Variants in SEMA6D observed in about 807,000 individuals in gnomAD.
SEMA6D encodes the protein semaphorin 6D.
Under a neutral mutation model 106.6 loss-of-function variants are expected in SEMA6D, and 35 were observed. The ratio of observed to expected loss-of-function variants is 0.33; its 90% confidence interval spans 0.25 to 0.44. The LOEUF is 0.44. Ranked by LOEUF, SEMA6D falls within the 20% of genes least tolerant of loss-of-function variation. SEMA6D has a pLI of 1.00. For missense variants in SEMA6D, 1,185 were observed against 1,345.9 expected (o/e 0.88, Z 1.87); for synonymous variants, 499 against 487.7 (o/e 1.02, Z -0.31).
In SEMA6D at chr15:47,469,341, CGT is replaced by C. The variant is rs113272376; in HGVS notation, c.-158-1112_-158-1111del. Among the ~76,000 whole-genome samples the C allele has an allele frequency of 7.0e-3, 1,023 of 146,390 alleles. 2 individuals carry two copies. The highest frequency in any genetic ancestry group is 0.014 in the African/African-American group (545 of 40,308). On this transcript the variant is annotated intron_variant, in intron 2 of 19. Coordinates refer to the SEMA6D transcript ENST00000558014. Reference sequence around the variant, plus strand: ...GTGTGTGTGTATGTGCACGCATGTGCGTGTGTGTGTGTGTGTGTGTGTTTAGT... The same window carrying C: ...GTGTGTGTGTATGTGCACGCATGTGCGTGTGTGTGTGTGTGTGTGTTTAGT...
intron 4 of SEMA6D, among the ~76,000 whole-genome samples, chr15:47,610,977 T>G (rs74014029): frequency 0.082 from 12,512 of 152,252 alleles, 755 homozygotes; most frequent in African/African-American, 0.17. Context: ...AGAGCATATG[T>G]CTTTACATGG....
At chr15:47,282,393 C>T (rs1488834213) in intron 1 of SEMA6D, among the ~76,000 whole-genome samples, 3 of 152,152 alleles carry the variant, frequency 2.0e-5, no homozygotes, top group South Asian at 4.1e-4. Flanking sequence ...CAATAGAATA[C>T]TATACAGCAG....
At chr15:47,763,786 T>C in intron 9 of SEMA6D, 64 bp from the exon 10 acceptor site, 1 of 1,388,148 alleles carries the variant, frequency 7.2e-7, no homozygotes, top group East Asian at 2.3e-5. Flanking sequence ...TTAAACAGTA[T>C]CATTTTGTTT....
upstream of SEMA6D, among the ~76,000 whole-genome samples, chr15:47,714,745 T>C (rs1428420258): frequency 6.6e-6 from 1 of 152,234 alleles, no homozygotes; most frequent in Non-Finnish European, 1.5e-5. Flanking sequence ...TGCTGAGTCC[T>C]GGGGACGCAG....
Position 47,535,644 on chromosome 15 carries a change from C to A in SEMA6D, c.-87+65099C>A, listed in dbSNP as rs1016356670. Among the ~76,000 whole-genome samples, 8 of 150,892 alleles carry A rather than the reference C, an allele frequency of 5.3e-5. No homozygotes were observed. The South Asian group carries it at 1.7e-3, about 32-fold the overall frequency. On this transcript the variant is annotated intron_variant, in intron 3 of 19. Transcript: ENST00000558014. Reference sequence around the variant, plus strand: ...GAGGGAGTTAAGACAGATACAAAACCACTATAATACTAGATAGAAAGTGAC... The same window carrying A: ...GAGGGAGTTAAGACAGATACAAAACAACTATAATACTAGATAGAAAGTGAC...
intron 3 of SEMA6D, among the ~76,000 whole-genome samples, chr15:47,534,111 A>T (rs888750882): frequency 6.6e-6 from 1 of 152,136 alleles, no homozygotes; most frequent in African/African-American, 2.4e-5. Context: ...GGAAAGAAGG[A>T]CACTGAGAAT....
At chr15:47,601,847 C>A (rs979303685) in intron 4 of SEMA6D, among the ~76,000 whole-genome samples, 1 of 152,126 alleles carries the variant, frequency 6.6e-6, no homozygotes. Context: ...AAAGTTATCT[C>A]CTGTTACTTA....
chr15:47,705,715 C>A (rs2078900428), intron 4 of SEMA6D, among the ~76,000 whole-genome samples: 1 of 152,116 alleles, frequency 6.6e-6, no homozygotes, highest in African/African-American at 2.4e-5. Flanking sequence ...GACCAGTTCC[C>A]CAGGAAATTC....
chr15:47,468,760 C>T (rs530705053), intron 2 of SEMA6D, among the ~76,000 whole-genome samples: 19 of 152,142 alleles, frequency 1.2e-4, no homozygotes, highest in South Asian at 8.3e-4. Context: ...ATCCAATATC[C>T]AGGTTTGAAT....
intron 4 of SEMA6D, among the ~76,000 whole-genome samples, chr15:47,688,865 G>T (rs1475068073): frequency 3.9e-5 from 6 of 152,286 alleles, no homozygotes; most frequent in Non-Finnish European, 7.4e-5. Flanking sequence ...TTTTTCACAA[G>T]CATATTTTGG....
intron 4 of SEMA6D, among the ~76,000 whole-genome samples, chr15:47,632,695 A>G (rs2077314488): frequency 1.3e-5 from 2 of 152,172 alleles, no homozygotes; most frequent in African/African-American, 2.4e-5. Context: ...TAAGCAGAAT[A>G]TAGTTAAGTC....
chr15:47,676,183 T>C (rs531360115), intron 4 of SEMA6D, among the ~76,000 whole-genome samples: 2 of 152,226 alleles, frequency 1.3e-5, no homozygotes, highest in Non-Finnish European at 2.9e-5. Context: ...TTCTCAGCTC[T>C]TCCAGGATCT....
At chr15:47,406,778 C>CA (rs36102863) in intron 1 of SEMA6D, among the ~76,000 whole-genome samples, 48,960 of 111,570 alleles carry the variant, frequency 0.44, 9,367 homozygotes, top group Middle Eastern at 0.59. Context: ...TTCTCACCAC[C>CA]AAAAAAAAAA....
Position 47,763,830 on chromosome 15 carries a change from T to C in SEMA6D, c.748-20T>C. 6.2e-7 allele frequency: 1 copy of C among 1,607,038 alleles called. No individual in the cohort carries two copies. Among genetic ancestry groups the C allele is most frequent in the Non-Finnish European group, 8.5e-7 (1 of 1,174,998 alleles). ...TTCCATGCTCATAACCCCATTGCTT[T>C]GCTTCTATCCGTTGGGCAGGCTGTG... is the stretch of plus-strand genomic sequence containing the variant. On this transcript the variant is annotated intron_variant, in intron 9 of 18. Transcript: ENST00000536845.
intron 3 of SEMA6D, among the ~76,000 whole-genome samples, chr15:47,503,184 G>A (rs1420876457): frequency 6.6e-6 from 1 of 152,064 alleles, no homozygotes; most frequent in Non-Finnish European, 1.5e-5. Flanking sequence ...GATGAATTCT[G>A]AGATAAAATT....
At chr15:47,333,470 G>A (rs530744915) in intron 1 of SEMA6D, among the ~76,000 whole-genome samples, 20 of 152,152 alleles carry the variant, frequency 1.3e-4, no homozygotes, top group Non-Finnish European at 2.4e-4. Context: ...ACACCCCACT[G>A]TCCATTTTGT....
chr15:47,488,964 C>T (rs888416290), intron 3 of SEMA6D, among the ~76,000 whole-genome samples: 1 of 151,986 alleles, frequency 6.6e-6, no homozygotes, highest in African/African-American at 2.4e-5. Context: ...ACTGTGGGTC[C>T]CAAGAAGATA....
intron 1 of SEMA6D, among the ~76,000 whole-genome samples, chr15:47,389,178 A>G (rs1008897094): frequency 1.3e-5 from 2 of 152,164 alleles, no homozygotes; most frequent in Admixed American, 6.5e-5. Context: ...TCGTATGTAA[A>G]ATGGGAATAG....
intron 1 of SEMA6D, among the ~76,000 whole-genome samples, chr15:47,241,529 C>G (rs2032907809): frequency 6.6e-6 from 1 of 151,990 alleles, no homozygotes; most frequent in Admixed American, 6.6e-5. Flanking sequence ...TTTCTCTCCC[C>G]TAGCTGATTT....
Sources: gnomAD v4.1 joint callset for allele counts (sites outside exome capture counted in the v4.1 genomes callset) on GRCh38, gnomAD v4.1.1 for gene constraint, MANE v1.5 for transcripts, NCBI Gene and HGNC (gene_info 2026-07-23, HGNC 2026-07-21) for gene names.